The following KHNYN variants were observed in gnomAD, a reference collection of about 807,000 sequenced individuals.
KHNYN encodes the protein KH and NYN domain containing.
In KHNYN, 42 loss-of-function variants were observed where a neutral mutation model predicts 62.7. The observed-to-expected ratio is 0.67, with a 90% confidence interval of 0.52 to 0.87. The LOEUF (loss-of-function observed/expected upper bound fraction) is 0.87, where lower values mean the gene tolerates loss of function less well. Among genes scored for constraint, KHNYN ranks in the 40% least tolerant of loss-of-function variants. KHNYN has a pLI of 0.00. For synonymous variants in KHNYN, 347 were observed against 345.6 expected, an observed-to-expected ratio of 1.00 and a Z score of -0.04; for missense variants, 829 against 874.1, an observed-to-expected ratio of 0.95 and a Z score of 0.65.
upstream of KHNYN, chr14:24,428,037 C>G (rs965221257): frequency 6.5e-7 from 1 of 1,549,548 alleles, no homozygotes; most frequent in South Asian, 1.1e-5. Context: ...TAGCTCAGGA[C>G]CCCCCACTTT....
intron 7 of KHNYN, among the ~76,000 whole-genome samples, 181 bp downstream of exon 7, chr14:24,436,670 C>G (rs1365154777): frequency 2.0e-5 from 3 of 152,194 alleles, no homozygotes; most frequent in Non-Finnish European, 4.4e-5. Flanking sequence ...AACCTCCTTG[C>G]TGGGAGGGAA....
At chr14:24,433,659 T>C (rs534680832) in intron 5 of KHNYN, among the ~76,000 whole-genome samples, 46 of 152,368 alleles carry the variant, frequency 3.0e-4, no homozygotes, top group South Asian at 1.0e-3. Context: ...AGATAAGGTA[T>C]GTGCTTGCCT....
At chr14:24,428,208 C>T, upstream of KHNYN, 1 of 1,574,398 alleles carries the variant, frequency 6.4e-7, no homozygotes, top group South Asian at 1.1e-5. Context: ...GGAGAGTCCA[C>T]CCGGAGGTCA....
upstream of KHNYN, chr14:24,429,928 C>T (rs1184006278): frequency 1.1e-5 from 11 of 1,001,412 alleles, no homozygotes; most frequent in Non-Finnish European, 1.3e-5. Flanking sequence ...TGACTCCGCC[C>T]CAGGCCAGGA....
At chr14:24,433,689 G>C (rs1180531442) in intron 5 of KHNYN, among the ~76,000 whole-genome samples, 1 of 152,234 alleles carries the variant, frequency 6.6e-6, no homozygotes, top group Admixed American at 6.5e-5. Context: ...TGCTAGGCAA[G>C]AGTACAGTGA....
upstream of KHNYN, chr14:24,428,851 G>T: frequency 6.2e-7 from 1 of 1,612,054 alleles, no homozygotes; most frequent in Non-Finnish European, 8.5e-7. Context: ...CTCGCCCAGG[G>T]GGTGCCTCTC....
the KHNYN span, among the ~76,000 whole-genome samples, chr14:24,423,363 G>A: frequency 6.6e-6 from 1 of 152,168 alleles, no homozygotes; most frequent in Non-Finnish European, 1.5e-5. Context: ...ACAGATGACA[G>A]GATGTCTGGA....
intron 6 of KHNYN, 49 bp from the exon 7 acceptor site, chr14:24,436,339 G>C (rs2043203904): frequency 6.5e-7 from 1 of 1,533,880 alleles, no homozygotes; most frequent in African/African-American, 1.4e-5. Context: ...TTGTCTGGGA[G>C]GTGGGCAAGG....
At chr14:24,430,158 G>C (rs4344657) in intron 1 of KHNYN, 39 bp downstream of exon 1, 698,829 of 983,070 alleles carry the variant, frequency 0.71, 250,993 homozygotes, top group Middle Eastern at 0.76. Context: ...AGCGGGGAGC[G>C]GGGGCCGCGG....
upstream of KHNYN, among the ~76,000 whole-genome samples, chr14:24,426,186 A>G (rs967705995): frequency 2.6e-5 from 4 of 152,238 alleles, no homozygotes; most frequent in Admixed American, 1.3e-4. Flanking sequence ...TCCTTTTGAT[A>G]ATCAAATTGT....
upstream of KHNYN, chr14:24,429,575 G>A (rs1020527119): frequency 1.7e-5 from 10 of 584,392 alleles, no homozygotes; most frequent in Non-Finnish European, 5.2e-6. Flanking sequence ...ACTCCACCAC[G>A]GGTACCCTCC....
intron 7 of KHNYN, among the ~76,000 whole-genome samples, 164 bp from the exon 8 acceptor site, chr14:24,436,872 T>C (rs1566501941): frequency 6.6e-6 from 1 of 152,172 alleles, no homozygotes; most frequent in African/African-American, 2.4e-5. Context: ...CCATCTTCCC[T>C]TCAGAAGTGG....
At chr14:24,435,790 C>G (rs2043195449) in intron 5 of KHNYN, 1 of 468,222 alleles carries the variant, frequency 2.1e-6, no homozygotes, top group Non-Finnish European at 3.8e-6. Context: ...TTGCCTGTAG[C>G]TGGGTCAAGG....
Position 24,440,904 on chromosome 14 carries a change from A to T in KHNYN, c.*3619A>T. 1 of 1,614,048 alleles carries T rather than the reference A, an allele frequency of 6.2e-7. No homozygotes were observed. Among genetic ancestry groups the T allele is most frequent in the Non-Finnish European group, 8.5e-7 (1 of 1,179,886 alleles). ...CTGGGCTGTCTTCATCATACTCCGC[A>T]GTCAGACTGGGCTGGTAGTAAGCTG... On this transcript the variant is annotated 3_prime_UTR_variant, in exon 8 of 8. Coordinates refer to ENST00000553935, the MANE Select transcript of KHNYN (RefSeq NM_015299.3).
Position 24,432,209 on chromosome 14 carries a change from A to T in KHNYN, c.948A>T (p.Gly316=), listed in dbSNP as rs779023878. 3 of 1,592,948 alleles carry T rather than the reference A, an allele frequency of 1.9e-6. No individual in the cohort carries two copies. The highest frequency in any genetic ancestry group is 2.7e-5 in the African/African-American group (2 of 74,444). ...ALGKEEIALG[G]GGFCVHREPP... ...GGAAGGAGGAGATAGCTCTGGGAGG[A>T]GGAGGGTTCTGTGTCCACCGTGAGC... Residue 316 remains glycine (G), a synonymous_variant, in exon 3 of 8, where the codon GGA becomes GGT. Coordinates refer to ENST00000553935, the MANE Select transcript of KHNYN (RefSeq NM_015299.3). This position sits in a 1 kb window ranked among gnomAD's most constrained non-coding sequence, Gnocchi z 5.6.
In KHNYN at chr14:24,432,646, G is replaced by A. The variant is rs911616637; in HGVS notation, c.1349+36G>A. On this transcript the variant is annotated intron_variant, in intron 3 of 7. Coordinates refer to ENST00000553935, the MANE Select transcript of KHNYN (RefSeq NM_015299.3). This position sits in a 1 kb window ranked among gnomAD's most constrained non-coding sequence, Gnocchi z 5.6. Reference sequence around the variant, plus strand: ...GGTGGGGCTAAGGGCCTAGGAGAGGGAGGATATGTCCTGAGGGGCTGGCAT... The same window carrying A: ...GGTGGGGCTAAGGGCCTAGGAGAGGAAGGATATGTCCTGAGGGGCTGGCAT... 3.1e-6 allele frequency: 5 copies of A among 1,610,758 alleles called. No individual in the cohort carries two copies. Among genetic ancestry groups the A allele is most frequent in the African/African-American group, 1.3e-5 (1 of 74,846 alleles).
At position 24,441,470 on chromosome 14, in the gene KHNYN, G is replaced by A. The variant is rs2043336880; in HGVS notation, c.*4185G>A. On this transcript the variant is annotated 3_prime_UTR_variant, in exon 8 of 8. Coordinates refer to ENST00000553935, the MANE Select transcript of KHNYN (RefSeq NM_015299.3). ...TAGGTGGACTTTTCCCTGGCATTGA[G>A]TGATGCCACTCCCCACTGTTTTTTC... The A allele has an allele frequency of 1.9e-6, 1 of 540,304 alleles. No individual in the cohort carries two copies. The highest frequency in any genetic ancestry group is 3.2e-6 in the Non-Finnish European group (1 of 312,260). 33.5% of individuals were successfully genotyped at this position (540,304 alleles called of 1,614,324 possible). A position where few individuals can be genotyped will look rare whatever the true frequency, so the allele number is the denominator to read the frequency against.
At chr14:24,428,336 A>C, upstream of KHNYN, 1 of 1,613,938 alleles carries the variant, frequency 6.2e-7, no homozygotes, top group Non-Finnish European at 8.5e-7. Flanking sequence ...CGGAAGCTGT[A>C]GACACCCCGG....
At chr14:24,429,844 C>G (rs1310437160), upstream of KHNYN, 1 of 1,024,900 alleles carries the variant, frequency 9.8e-7, no homozygotes, top group Non-Finnish European at 1.2e-6. Flanking sequence ...GGGACTAGGC[C>G]GAGCGGGCCC....
Sources: allele counts gnomAD v4.1 joint callset (sites outside exome capture counted in the v4.1 genomes callset), GRCh38; gene constraint gnomAD v4.1.1; non-coding constraint Gnocchi (gnomAD v3.1); transcripts MANE v1.5; gene names NCBI Gene and HGNC (gene_info 2026-07-23, HGNC 2026-07-21).